The following FGD4 variants were observed in gnomAD, a reference collection of about 807,000 sequenced individuals.
FGD4 encodes the protein FYVE, RhoGEF and PH domain-containing protein 4.
A neutral mutation model predicts 102.0 loss-of-function variants in FGD4; 42 were observed. The observed-to-expected ratio is 0.41, with a 90% CI of 0.32 to 0.53. The LOEUF is 0.53. FGD4 is among the 20% of genes least tolerant of loss of function. The pLI, the probability that FGD4 is intolerant of heterozygous loss-of-function variation, is 0.21. For synonymous variants in FGD4, 380 were observed against 375.7 expected, an observed-to-expected ratio of 1.01 and a Z score of -0.13; for missense variants, 902 against 1,078.2, an observed-to-expected ratio of 0.84 and a Z score of 2.29.
chr12:32,477,962 G>C (rs1943623269), intron 1 of FGD4, among the ~76,000 whole-genome samples: 2 of 152,156 alleles, frequency 1.3e-5, no homozygotes, highest in East Asian at 1.9e-4. Flanking sequence ...TGCTCAGACA[G>C]GATAGTAAAT....
At chr12:32,447,543 A>C (rs747685430) in intron 1 of FGD4, among the ~76,000 whole-genome samples, 1 of 152,226 alleles carries the variant, frequency 6.6e-6, no homozygotes, top group Non-Finnish European at 1.5e-5. Flanking sequence ...TAATATTTAC[A>C]GTATCATGTT....
chr12:32,613,844 T>C (rs930742415), intron 10 of FGD4, among the ~76,000 whole-genome samples: 6 of 152,124 alleles, frequency 3.9e-5, no homozygotes, highest in African/African-American at 1.4e-4. Context: ...TCTGTTAAAA[T>C]TGAAGCAAGA....
intron 14 of FGD4, among the ~76,000 whole-genome samples, chr12:32,627,161 T>C (rs11052114): frequency 0.28 from 39,865 of 143,762 alleles, 5,555 homozygotes; most frequent in South Asian, 0.42. Context: ...ACATTTTTTT[T>C]CTTTTTTTTT....
At chr12:32,443,008 C>A (rs1188044352) in intron 1 of FGD4, among the ~76,000 whole-genome samples, 3 of 152,042 alleles carry the variant, frequency 2.0e-5, no homozygotes, top group South Asian at 2.1e-4. Flanking sequence ...GGTATTTTGC[C>A]CATGTTTTAA....
At chr12:32,567,054 G>C (rs1175533747) in intron 2 of FGD4, among the ~76,000 whole-genome samples, 1 of 152,182 alleles carries the variant, frequency 6.6e-6, no homozygotes, top group Non-Finnish European at 1.5e-5. Context: ...AGACACTGTG[G>C]CTGATAGAAA....
rs558142682 is a variant in FGD4, at chr12:32,613,236, C to T, written c.1749+1953C>T. 2.0e-5 allele frequency among the ~76,000 whole-genome samples: 3 copies of T among 152,262 alleles called. No homozygotes were observed. In the South Asian group the frequency reaches 6.2e-4, roughly 32 times the overall value. ...ATGAGTTGTCATGGGGGCTTAGAGGCTTCTGTGTCTGTTTCCAGTCTCCAT... is the reference window on the plus strand; with the variant it reads ...ATGAGTTGTCATGGGGGCTTAGAGGTTTCTGTGTCTGTTTCCAGTCTCCAT... On this transcript the variant is annotated intron_variant, in intron 10 of 16. Transcript: ENST00000534526.
intron 1 of FGD4, among the ~76,000 whole-genome samples, chr12:32,472,070 G>A (rs79124867): frequency 0.13 from 20,507 of 152,182 alleles, 1,474 homozygotes; most frequent in South Asian, 0.18. Context: ...ACAGGTCTAG[G>A]ATCTCATCCT....
In FGD4 at chr12:32,539,702, C is replaced by A. The variant is rs12304022; in HGVS notation, c.167-24435C>A. Reference sequence around the variant, plus strand: ...CCTGCATTTTAAAATCTGTAGCCAACAGTTAATGTTAAAAAAAAAAGTTCC... The same window carrying A: ...CCTGCATTTTAAAATCTGTAGCCAAAAGTTAATGTTAAAAAAAAAAGTTCC... On this transcript the variant is annotated intron_variant, in intron 1 of 16. Transcript: ENST00000534526. 5.4e-3 allele frequency among the ~76,000 whole-genome samples: 780 copies of A among 144,342 alleles called. 8 individuals carry two copies. Among genetic ancestry groups the A allele is most frequent in the African/African-American group, 0.019 (713 of 36,754 alleles). 94.7% of individuals were successfully genotyped at this position (144,342 alleles called of 152,430 possible).
At chr12:32,540,258 G>A (rs1942697634) in intron 1 of FGD4, among the ~76,000 whole-genome samples, 1 of 152,162 alleles carries the variant, frequency 6.6e-6, no homozygotes, top group African/African-American at 2.4e-5. Context: ...TGTCATAGGA[G>A]AGGTACAAAA....
At chr12:32,454,413 C>T (rs184812483) in intron 1 of FGD4, among the ~76,000 whole-genome samples, 26 of 152,288 alleles carry the variant, frequency 1.7e-4, no homozygotes, top group Admixed American at 1.5e-3. Flanking sequence ...TTTCTTCTGT[C>T]ACTTAAGACA....
intron 1 of FGD4, among the ~76,000 whole-genome samples, chr12:32,546,518 G>C (rs1452232835): frequency 6.6e-6 from 1 of 152,248 alleles, no homozygotes; most frequent in African/African-American, 2.4e-5. Flanking sequence ...TAATGTGCAG[G>C]TATCTGTCTC....
chr12:32,456,869 A>G (rs930809812), intron 1 of FGD4, among the ~76,000 whole-genome samples: 13 of 152,268 alleles, frequency 8.5e-5, no homozygotes, highest in African/African-American at 3.1e-4. Flanking sequence ...TGTGACTTCC[A>G]TCTCCCCTTT....
At chr12:32,405,850 G>A (rs1397832835) in intron 1 of FGD4, among the ~76,000 whole-genome samples, 2 of 151,900 alleles carry the variant, frequency 1.3e-5, no homozygotes, top group Non-Finnish European at 2.9e-5. Context: ...GTACTTACTT[G>A]TATTGCTCTT....
At chr12:32,499,126 G>T (rs1938006648) in intron 1 of FGD4, among the ~76,000 whole-genome samples, 1 of 152,196 alleles carries the variant, frequency 6.6e-6, no homozygotes, top group African/African-American at 2.4e-5. Context: ...CATTCCCAAG[G>T]TTATTCCATC....
intron 1 of FGD4, among the ~76,000 whole-genome samples, chr12:32,563,593 C>T (rs867216372): frequency 5.8e-4 from 88 of 151,426 alleles, no homozygotes; most frequent in African/African-American, 9.4e-4. Context: ...ACTTCCCAGA[C>T]GGGGTGGCGG....
chr12:32,499,563 G>A (rs1938034834), intron 1 of FGD4, among the ~76,000 whole-genome samples: 1 of 151,968 alleles, frequency 6.6e-6, no homozygotes, highest in African/African-American at 2.4e-5. Flanking sequence ...ACATGGTGGA[G>A]TGAACATTAA....
chr12:32,441,105 C>T (rs1942422587), intron 1 of FGD4, among the ~76,000 whole-genome samples: 1 of 152,118 alleles, frequency 6.6e-6, no homozygotes, highest in East Asian at 1.9e-4. Context: ...GGGTCTGGAA[C>T]CAGGGACCCC....
intron 3 of FGD4, among the ~76,000 whole-genome samples, chr12:32,579,852 C>G (rs1157471131): frequency 6.6e-6 from 1 of 151,986 alleles, no homozygotes; most frequent in Non-Finnish European, 1.5e-5. Context: ...TTACCTGTAT[C>G]TTTTTTCCTC....
At chr12:32,595,622 G>T (rs1471255270) in intron 4 of FGD4, among the ~76,000 whole-genome samples, 4 of 152,124 alleles carry the variant, frequency 2.6e-5, no homozygotes, top group Non-Finnish European at 5.9e-5. Flanking sequence ...TGGAAATAAG[G>T]TCTGTTTCCC....
Sources: gnomAD v4.1 joint callset for allele counts (sites outside exome capture counted in the v4.1 genomes callset) on GRCh38, gnomAD v4.1.1 for gene constraint, MANE v1.5 for transcripts, NCBI Gene and HGNC (gene_info 2026-07-23, HGNC 2026-07-21) for gene names.